CCSER1: variants seen among roughly 807,000 people sequenced by gnomAD.
The protein encoded by CCSER1 is serine-rich coiled-coil domain-containing protein 1.
Under a neutral mutation model 82.0 loss-of-function variants are expected in CCSER1, and 41 were observed. The ratio of observed to expected loss-of-function variants is 0.50; its 90% CI spans 0.39 to 0.65. The LOEUF is 0.65. Among genes scored for constraint, CCSER1 ranks in the 30% least tolerant of loss-of-function variants. The probability of loss-of-function intolerance (pLI) is 0.00; values close to 1 mark genes in which losing one functional copy is unlikely to be tolerated. For missense variants in CCSER1, 1,119 were observed against 1,064.2 expected (o/e 1.05, Z -0.72); for synonymous variants, 414 against 383.9 (o/e 1.08, Z -0.92).
chr4:91,182,583 G>A (rs968230156), intron 10 of CCSER1, among the ~76,000 whole-genome samples: 11 of 152,192 alleles, frequency 7.2e-5, no homozygotes, highest in South Asian at 2.1e-4. Context: ...AATTGTATGG[G>A]ATACCAGTAA....
At chr4:91,177,188 A>G (rs1469193128) in intron 10 of CCSER1, among the ~76,000 whole-genome samples, 4 of 152,264 alleles carry the variant, frequency 2.6e-5, no homozygotes, top group Non-Finnish European at 5.9e-5. Context: ...CATGGTGGAT[A>G]AGCTTTTTGA....
chr4:91,160,761 T>G lies in CCSER1; in HGVS notation c.2217+74767T>G, dbSNP rs575508614. 1.3e-4 allele frequency among the ~76,000 whole-genome samples: 19 copies of G among 151,180 alleles called. 1 individual carries two copies. The South Asian group carries it at 4.0e-3, about 31-fold the overall frequency. ...TGTTGTTGTTGTTGTTGTTGTTTTT[T>G]TTGTAAATTTGTTTAAGTTCTTTGT... On this transcript the variant is annotated intron_variant, in intron 10 of 10. Coordinates refer to ENST00000509176, the MANE Select transcript of CCSER1 (RefSeq NM_001145065.2).
At chr4:91,481,084 G>A (rs1385046237) in intron 10 of CCSER1, among the ~76,000 whole-genome samples, 2 of 56,012 alleles carry the variant, frequency 3.6e-5, no homozygotes, top group Non-Finnish European at 6.8e-5. Context: ...CCCCACCCCT[G>A]CCTTCCCTTC....
chr4:91,376,920 C>T (rs984453411), intron 10 of CCSER1, among the ~76,000 whole-genome samples: 2 of 123,168 alleles, frequency 1.6e-5, no homozygotes, highest in African/African-American at 6.0e-5. Flanking sequence ...CCAGGACAGG[C>T]CCCAGTGTGT....
intron 6 of CCSER1, among the ~76,000 whole-genome samples, chr4:90,691,782 A>T (rs1736023757): frequency 6.6e-6 from 1 of 151,806 alleles, no homozygotes; most frequent in East Asian, 1.9e-4. Context: ...GGTTTGGCAT[A>T]CGGATTATTT....
chr4:90,708,476 A>G (rs1739830795), intron 6 of CCSER1, among the ~76,000 whole-genome samples: 1 of 152,184 alleles, frequency 6.6e-6, no homozygotes, highest in Admixed American at 6.5e-5. Flanking sequence ...TAACACTAGT[A>G]GAGCTTCTGG....
At chr4:90,563,181 G>A (rs1778984710) in intron 5 of CCSER1, among the ~76,000 whole-genome samples, 3 of 151,568 alleles carry the variant, frequency 2.0e-5, no homozygotes, top group Admixed American at 6.6e-5. Flanking sequence ...GCACGATATC[G>A]GCTCACTGCA....
At chr4:91,545,527 G>T (rs1192128998) in intron 10 of CCSER1, among the ~76,000 whole-genome samples, 1 of 152,078 alleles carries the variant, frequency 6.6e-6, no homozygotes, top group Non-Finnish European at 1.5e-5. Flanking sequence ...ATATATCTAA[G>T]TATCTAATTT....
chr4:91,468,941 A>G (rs1757109839), intron 10 of CCSER1, among the ~76,000 whole-genome samples: 1 of 152,166 alleles, frequency 6.6e-6, no homozygotes, highest in Admixed American at 6.5e-5. Context: ...CCAAAATTCA[A>G]TCTCATATCT....
At chr4:90,579,499 A>G (rs1781172421) in intron 5 of CCSER1, among the ~76,000 whole-genome samples, 1 of 152,198 alleles carries the variant, frequency 6.6e-6, no homozygotes, top group Non-Finnish European at 1.5e-5. Flanking sequence ...TTGCATGACA[A>G]GCTTTTCCAT....
At chr4:91,414,508 G>C (rs1232608129) in intron 10 of CCSER1, among the ~76,000 whole-genome samples, 2 of 152,004 alleles carry the variant, frequency 1.3e-5, no homozygotes, top group Non-Finnish European at 2.9e-5. Context: ...AAGGAACAGG[G>C]GATCCATGAG....
chr4:91,380,603 A>G (rs149790894), intron 10 of CCSER1, among the ~76,000 whole-genome samples: 7 of 152,218 alleles, frequency 4.6e-5, no homozygotes, highest in East Asian at 3.9e-4. Flanking sequence ...TGCTTGGTAC[A>G]TCTTCCTCCT....
chr4:91,040,959 G>A (rs1741906882), intron 9 of CCSER1, among the ~76,000 whole-genome samples: 1 of 152,098 alleles, frequency 6.6e-6, no homozygotes, highest in Non-Finnish European at 1.5e-5. Flanking sequence ...TTAGCAAATG[G>A]AAAAATTGAC....
At chr4:91,279,223 A>G (rs1742719761) in intron 10 of CCSER1, among the ~76,000 whole-genome samples, 1 of 152,068 alleles carries the variant, frequency 6.6e-6, no homozygotes, top group African/African-American at 2.4e-5. Context: ...ACTTTTGACA[A>G]TTTGACTATA....
intron 10 of CCSER1, among the ~76,000 whole-genome samples, chr4:91,367,130 C>CAAAAAAAAAAAA: frequency 1.6e-5 from 1 of 63,728 alleles, no homozygotes; most frequent in Non-Finnish European, 3.1e-5. Flanking sequence ...ACCATCTCTC[C>CAAAAAAAAAAAA]AAAAAAAAAA....
chr4:91,132,249 G>C (rs562299609), intron 10 of CCSER1, among the ~76,000 whole-genome samples: 69 of 152,238 alleles, frequency 4.5e-4, no homozygotes, highest in African/African-American at 1.6e-3. Context: ...ATAAGATAGA[G>C]TTCAAGGGTG....
intron 1 of CCSER1, among the ~76,000 whole-genome samples, chr4:90,180,326 C>T (rs1169900367): frequency 6.6e-6 from 1 of 151,966 alleles, no homozygotes; most frequent in Non-Finnish European, 1.5e-5. Flanking sequence ...CGGTGCCTCA[C>T]GCCCATAATC....
intron 9 of CCSER1, among the ~76,000 whole-genome samples, chr4:90,932,158 G>A (rs1729903279): frequency 6.6e-6 from 1 of 152,164 alleles, no homozygotes; most frequent in South Asian, 2.1e-4. Flanking sequence ...TGTTAAGATG[G>A]TAATTAGAAT....
At position 90,398,114 on chromosome 4, in the gene CCSER1, T is replaced by C. The variant is rs189318204; in HGVS notation, c.1510-1922T>C. Among the ~76,000 whole-genome samples, 20 of 152,300 alleles carry C rather than the reference T, an allele frequency of 1.3e-4. No homozygotes were observed. The East Asian group carries it at 1.4e-3, about 10-fold the overall frequency. On this transcript the variant is annotated intron_variant, in intron 3 of 10. Coordinates refer to ENST00000509176, the MANE Select transcript of CCSER1 (RefSeq NM_001145065.2). ...TGGCTTGCAAATGACCTATCTTCCC[T>C]CCCTCTGTGAATTCACATGGTTCAT...
Sources: gnomAD v4.1 joint callset for allele counts (sites outside exome capture counted in the v4.1 genomes callset) on GRCh38, gnomAD v4.1.1 for gene constraint, MANE v1.5 for transcripts, NCBI Gene and HGNC (gene_info 2026-07-23, HGNC 2026-07-21) for gene names.